G2E3: variants seen among roughly 807,000 people sequenced by gnomAD.
G2E3 encodes G2/M-phase specific E3 ubiquitin protein ligase.
G2E3 carries 35 observed loss-of-function variants against 92.8 expected under a neutral mutation model. That is an observed-to-expected ratio of 0.38 (90% confidence interval 0.29 to 0.50). The LOEUF (loss-of-function observed/expected upper bound fraction) is 0.50. G2E3 is among the 20% of genes least tolerant of loss of function. The pLI is 0.94. For synonymous variants in G2E3, 242 were observed against 272.4 expected (o/e 0.89, Z 1.10); for missense variants, 554 against 823.8 (o/e 0.67, Z 4.01).
At chr14:30,576,459 G>A (rs1477498327) in intron 1 of G2E3, among the ~76,000 whole-genome samples, 1 of 152,044 alleles carries the variant, frequency 6.6e-6, no homozygotes, top group African/African-American at 2.4e-5. Context: ...CATAAGAATG[G>A]GCAAAGATTT....
At chr14:30,607,172 A>G (rs17348844) in intron 11 of G2E3, among the ~76,000 whole-genome samples, 5,779 of 152,214 alleles carry the variant, frequency 0.038, 146 homozygotes, top group South Asian at 0.067. Context: ...TTTGAGTAGT[A>G]TGATAAAAAG....
intron 1 of G2E3, among the ~76,000 whole-genome samples, chr14:30,569,143 C>T (rs1879609449): frequency 6.6e-6 from 1 of 152,104 alleles, no homozygotes; most frequent in South Asian, 2.1e-4. Flanking sequence ...AAAAGTCAAA[C>T]AATGCCAAAA....
chr14:30,567,391 T>C (rs1308958442), intron 1 of G2E3, among the ~76,000 whole-genome samples: 2 of 152,176 alleles, frequency 1.3e-5, no homozygotes, highest in Non-Finnish European at 2.9e-5. Context: ...ACTTTTGTTA[T>C]TTGTTTAACC....
intron 2 of G2E3, among the ~76,000 whole-genome samples, chr14:30,583,948 A>G (rs180722118): frequency 4.5e-4 from 69 of 152,278 alleles, no homozygotes; most frequent in African/African-American, 1.7e-3. Context: ...TGAAACCATC[A>G]CCACTATCTA....
intron 11 of G2E3, among the ~76,000 whole-genome samples, chr14:30,607,483 A>G (rs1881884160): frequency 6.6e-6 from 1 of 152,188 alleles, no homozygotes; most frequent in Non-Finnish European, 1.5e-5. Context: ...ATGTATATCT[A>G]AATATACAAA....
At chr14:30,562,269 A>G (rs537243003) in intron 1 of G2E3, among the ~76,000 whole-genome samples, 1 of 152,322 alleles carries the variant, frequency 6.6e-6, no homozygotes, top group South Asian at 2.1e-4. Context: ...TACTAGATAT[A>G]GATCTTAGAT....
chr14:30,602,795 G>A (rs1354427913), intron 10 of G2E3: 1 of 152,080 alleles, frequency 6.6e-6, no homozygotes, highest in African/African-American at 2.4e-5. Context: ...AATTTTTGTA[G>A]AGATGGACAT....
At chr14:30,560,625 A>G (rs1879037593) in intron 1 of G2E3, 2 of 563,824 alleles carry the variant, frequency 3.5e-6, no homozygotes, top group South Asian at 4.7e-5. Flanking sequence ...TAATTTTTAA[A>G]AATTGATCGC....
chr14:30,605,784 G>A lies in G2E3; in HGVS notation c.1290G>A (p.Leu430=). 1 of 1,564,046 alleles carries A rather than the reference G, an allele frequency of 6.4e-7. No homozygotes were observed. Among genetic ancestry groups the A allele is most frequent in the Non-Finnish European group, 8.6e-7 (1 of 1,157,208 alleles). The change falls in exon 11 of 15, where the codon TTG becomes TTA. Residue 430 remains leucine, a synonymous_variant. Coordinates refer to ENST00000206595, the MANE Select transcript of G2E3 (RefSeq NM_017769.5). ...LENSSLFEGS[L]SKNLSLNSQA... ...ACTCATCATTGTTTGAAGGGTCCTT[G>A]TCAAAGAACTTGTCTCTAAATTCTC...
Position 30,605,662 on chromosome 14 carries a change from A to G in G2E3, c.1168A>G (p.Ile390Val). 1 of 1,610,420 alleles carries G rather than the reference A, an allele frequency of 6.2e-7. No individual in the cohort carries two copies. Among genetic ancestry groups the G allele is most frequent in the Non-Finnish European group, 8.5e-7 (1 of 1,177,186 alleles). Residue 390 changes from isoleucine to valine, a missense_variant, in exon 11 of 15, where the codon ATT becomes GTT. Transcript: ENST00000206595. ...TCGAAACTTTAATCCTTCATATGCAATTGAAGTAGCATATGTTATTGAAAA... is the reference window on the plus strand; with the variant it reads ...TCGAAACTTTAATCCTTCATATGCAGTTGAAGTAGCATATGTTATTGAAAA... ...RNRNFNPSYA[I>V]EVAYVIENDN...
chr14:30,575,081 C>T (rs1458632164), intron 1 of G2E3, among the ~76,000 whole-genome samples: 1 of 152,170 alleles, frequency 6.6e-6, no homozygotes, highest in East Asian at 1.9e-4. Flanking sequence ...ACCTTACCCG[C>T]ATCTGTTATT....
chr14:30,601,697 C>A, intron 8 of G2E3, 73 bp from the exon 9 acceptor site: 1 of 1,448,402 alleles, frequency 6.9e-7, no homozygotes, highest in Non-Finnish European at 9.7e-7. Context: ...GAAGGCAGGC[C>A]CTGTGGACAT....
At chr14:30,576,485 A>T (rs1459855792) in intron 1 of G2E3, among the ~76,000 whole-genome samples, 1 of 152,244 alleles carries the variant, frequency 6.6e-6, no homozygotes, top group Non-Finnish European at 1.5e-5. Flanking sequence ...CAAGGACTCC[A>T]AAACCAATCG....
chr14:30,617,050 C>T lies in G2E3; in HGVS notation c.*516C>T, dbSNP rs1484655065. The T allele has an allele frequency of 6.6e-6, 1 of 152,124 alleles. No homozygotes were observed. Among genetic ancestry groups the T allele is most frequent in the Non-Finnish European group, 1.5e-5 (1 of 68,092 alleles). The allele number at this position is 152,124 out of a possible 1,614,324, so 9.4% of individuals were successfully genotyped here. A position where few individuals can be genotyped will look rare whatever the true frequency, so the allele number is the denominator to read the frequency against. ...CTATGCATACTTTTCTAGGATGTCA[C>T]CAAATTAGTTGTTTAAAATGTTTTT... is the stretch of plus-strand genomic sequence containing the variant. On this transcript the variant is annotated 3_prime_UTR_variant, in exon 15 of 15. Coordinates refer to ENST00000206595, the MANE Select transcript of G2E3 (RefSeq NM_017769.5).
Position 30,618,988 on chromosome 14 carries a change from A to G in G2E3, c.*2454A>G, listed in dbSNP as rs1882442823. 6.6e-6 allele frequency: 1 copy of G among 152,096 alleles called. No homozygotes were observed. The allele number at this position is 152,096 out of a possible 1,614,324, so 9.4% of individuals were successfully genotyped here. On this transcript the variant is annotated 3_prime_UTR_variant, in exon 15 of 15. Coordinates refer to ENST00000206595, the MANE Select transcript of G2E3 (RefSeq NM_017769.5). ...TCTCTTGCTCTTAATGTTGAGGAAA[A>G]CTATAAATTGATCTATAATGCATCT...
intron 1 of G2E3, among the ~76,000 whole-genome samples, chr14:30,578,372 A>G (rs1345498773): frequency 6.6e-6 from 1 of 152,190 alleles, no homozygotes; most frequent in Non-Finnish European, 1.5e-5. Flanking sequence ...ATTTTGTGCC[A>G]TTTGTGTTAT....
intron 1 of G2E3, among the ~76,000 whole-genome samples, chr14:30,571,854 T>G (rs1879782580): frequency 6.6e-6 from 1 of 152,036 alleles, no homozygotes; most frequent in Non-Finnish European, 1.5e-5. Flanking sequence ...ATCACATAGT[T>G]GGAGACCACT....
Position 30,581,062 on chromosome 14 carries a change from G to C in G2E3, c.-4-14G>C. 7.3e-7 allele frequency: 1 copy of C among 1,377,904 alleles called. No individual in the cohort carries two copies. Among genetic ancestry groups the C allele is most frequent in the Non-Finnish European group, 1.0e-6 (1 of 966,988 alleles). The allele number at this position is 1,377,904 out of a possible 1,614,324, so 85.4% of individuals were successfully genotyped here. ...TTACAATTAAGATGACTGTATTAAT[G>C]TTATTTTTCCTAGTAAAATGAATGA... On this transcript the variant is annotated splice_polypyrimidine_tract_variant and intron_variant, in intron 1 of 14. Transcript: ENST00000206595.
chr14:30,603,109 C>T lies in G2E3; in HGVS notation c.1010+978C>T, dbSNP rs143804746. Among the ~76,000 whole-genome samples, 244 of 152,140 alleles carry T rather than the reference C, an allele frequency of 1.6e-3. 1 individual carries two copies. Among genetic ancestry groups the T allele is most frequent in the African/African-American group, 5.2e-3 (216 of 41,486 alleles). ...TTGGGAAACCTAGGCGGGCGGATCC[C>T]GAGGTCAAGAGATCGAGAACATCCT... is the stretch of plus-strand genomic sequence containing the variant. On this transcript the variant is annotated intron_variant, in intron 10 of 14. Transcript: ENST00000206595.
Sources: gnomAD v4.1 joint callset for allele counts (sites outside exome capture counted in the v4.1 genomes callset) on GRCh38, gnomAD v4.1.1 for gene constraint, MANE v1.5 for transcripts, NCBI Gene and HGNC (gene_info 2026-07-23, HGNC 2026-07-21) for gene names.